Variants in FIGNL2 observed in about 807,000 individuals in gnomAD.
The protein encoded by FIGNL2 is fidgetin like 2, also known as fidgetin-like protein 2.
For synonymous variants in FIGNL2, 565 were observed against 484.0 expected, an observed-to-expected ratio of 1.17 and a Z score of -2.20; for missense variants, 1,060 against 950.2, an observed-to-expected ratio of 1.12 and a Z score of -1.52.
chr12:51,841,105 T>TG (rs904534440), intron 1 of FIGNL2, among the ~76,000 whole-genome samples: 6 of 152,100 alleles, frequency 3.9e-5, no homozygotes, highest in Non-Finnish European at 8.8e-5. Flanking sequence ...TTCCCAGCCC[T>TG]GGGGGGGCTG....
chr12:51,845,777 G>C (rs80033928), intron 1 of FIGNL2: 5,838 of 516,752 alleles, frequency 0.011, 63 homozygotes, highest in Non-Finnish European at 0.013. Context: ...TCGGAGCTTG[G>C]GGGGAGAGTC....
At chr12:51,829,382 C>T (rs972016353) in intron 1 of FIGNL2, among the ~76,000 whole-genome samples, 3 of 152,162 alleles carry the variant, frequency 2.0e-5, no homozygotes, top group African/African-American at 7.2e-5. Context: ...CCAGTTATTG[C>T]AACAGGAGAG....
chr12:51,821,995 G>A lies in FIGNL2; in HGVS notation c.419C>T (p.Pro140Leu), dbSNP rs763190946. The A allele has an allele frequency of 6.3e-7, 1 of 1,586,032 alleles. No individual in the cohort carries two copies. Among genetic ancestry groups the A allele is most frequent in the Non-Finnish European group, 8.6e-7 (1 of 1,167,318 alleles). ...GGSPVLAGNL[P>L]EPLYAGNACG... The stretch of plus-strand genomic sequence containing the variant: ...CGCATTGCCGGCGTAGAGGGGTTCA[G>A]GGAGGTTCCCGGCTAAAACTGGGGA... The change falls in exon 2 of 2, where the codon CCT becomes CTT. Residue 140 changes from proline to leucine, a missense_variant. Pro to Leu is a moderately conservative substitution (Grantham distance 98). Transcript: ENST00000618634.
intron 1 of FIGNL2, among the ~76,000 whole-genome samples, chr12:51,835,043 G>T (rs1939557030): frequency 6.6e-6 from 1 of 152,192 alleles, no homozygotes; most frequent in African/African-American, 2.4e-5. Flanking sequence ...GAGGCAGTAA[G>T]GCTCTCCAAG....
At chr12:51,824,602 G>C (rs1045329054) in intron 1 of FIGNL2, 1 of 152,244 alleles carries the variant, frequency 6.6e-6, no homozygotes, top group Non-Finnish European at 1.5e-5. Context: ...AGCTGAGTGC[G>C]AGGTCCTTGG....
intron 1 of FIGNL2, among the ~76,000 whole-genome samples, chr12:51,826,170 C>T (rs1003296015): frequency 2.8e-4 from 11 of 39,008 alleles, no homozygotes; most frequent in African/African-American, 4.3e-4. Flanking sequence ...GTGCTGGGCC[C>T]GCCCCCCCCA....
intron 1 of FIGNL2, among the ~76,000 whole-genome samples, chr12:51,828,894 T>G (rs1939398027): frequency 6.6e-6 from 1 of 152,154 alleles, no homozygotes; most frequent in Non-Finnish European, 1.5e-5. Flanking sequence ...ACAAATAAAT[T>G]TTTTACAGGG....
At chr12:51,844,290 C>A (rs1276165650) in intron 1 of FIGNL2, among the ~76,000 whole-genome samples, 1 of 152,182 alleles carries the variant, frequency 6.6e-6, no homozygotes, top group East Asian at 1.9e-4. Flanking sequence ...AGAGGCAGGC[C>A]ATGGCCACTG....
chr12:51,848,414 C>T lies in FIGNL2; in HGVS notation c.-12+126G>A, dbSNP rs921631666. 7.1e-6 allele frequency: 7 copies of T among 983,590 alleles called. No homozygotes were observed. The South Asian group carries it at 1.4e-4, about 20-fold the overall frequency. The allele number at this position is 983,590 out of a possible 1,614,324, so 60.9% of individuals were successfully genotyped here. On this transcript the variant is annotated intron_variant, in intron 1 of 1. Transcript: ENST00000618634. The stretch of plus-strand genomic sequence containing the variant: ...GCCCTCCGACCCCCGCCGAGCTGAA[C>T]CCCGCGACTAGCAGCCCCCGCCCTC...
In FIGNL2 at chr12:51,821,449, C is replaced by G. The variant is rs1267062993; in HGVS notation, c.965G>C (p.Gly322Ala). Residue 322 changes from glycine to alanine, a missense_variant, in exon 2 of 2, where the codon GGC (glycine) becomes GCC (alanine). By Grantham distance (60) the Gly-to-Ala change is moderately conservative. Transcript: ENST00000618634. ...GAGGGGGACGCCGCCACCGTACTTG[C>G]CCGACGCCTCCTCCGCGGCTCCTGG... ...KPPGAAEEAS[G>A]KYGGGVPLKV... 7 of 1,537,974 alleles carry G rather than the reference C, an allele frequency of 4.6e-6. No individual in the cohort carries two copies. Among genetic ancestry groups the G allele is most frequent in the Non-Finnish European group, 6.1e-6 (7 of 1,145,218 alleles).
chr12:51,822,516 G>A (rs1409584419), intron 1 of FIGNL2, 92 bp from the exon 2 acceptor site: 1 of 1,465,144 alleles, frequency 6.8e-7, no homozygotes, highest in Non-Finnish European at 9.3e-7. Context: ...CTAGACTGCG[G>A]CTTGGACAGG....
chr12:51,844,529 C>T (rs1213272643), intron 1 of FIGNL2: 1 of 226,886 alleles, frequency 4.4e-6, no homozygotes, highest in Non-Finnish European at 7.3e-6. Context: ...GACTAGGACT[C>T]AGGTCTCCCA....
intron 1 of FIGNL2, chr12:51,832,054 G>A (rs1441997850): frequency 6.6e-6 from 1 of 152,118 alleles, no homozygotes; most frequent in African/African-American, 2.4e-5. Context: ...GTTTTGCTCT[G>A]ATGCCCAGGC....
Position 51,826,617 on chromosome 12 carries a change from C to T in FIGNL2, c.-11-4193G>A, listed in dbSNP as rs370900534. Among the ~76,000 whole-genome samples, 51 of 124,354 alleles carry T rather than the reference C, an allele frequency of 4.1e-4. 1 individual carries two copies. In the East Asian group the frequency reaches 9.9e-3, roughly 24 times the overall value. 81.6% of individuals were successfully genotyped at this position (124,354 alleles called of 152,430 possible). ...TCGCGCCATTGCACTCCAGCCTGGG[C>T]GATAAGAGCGAAACTCCCATCTCAA... is the stretch of plus-strand genomic sequence containing the variant. On this transcript the variant is annotated intron_variant, in intron 1 of 1. Transcript: ENST00000618634.
In FIGNL2 at chr12:51,820,563, G is replaced by T; in HGVS notation, c.1851C>A (p.Pro617=). Residue 617 remains proline (P), a synonymous_variant, in exon 2 of 2, where the codon CCC becomes CCA. Transcript: ENST00000618634. ...AGAGLPGLQR[P]LSYKDLEAAL... ...CCGCCTCCAGGTCCTTGTAGGAGAG[G>T]GGGCGCTGCAGCCCCGGGAGGCCCG... 3 of 1,534,264 alleles carry T rather than the reference G, an allele frequency of 2.0e-6. No homozygotes were observed. Among genetic ancestry groups the T allele is most frequent in the Non-Finnish European group, 2.6e-6 (3 of 1,147,098 alleles).
chr12:51,834,104 GA>G (rs1939533926), intron 1 of FIGNL2, among the ~76,000 whole-genome samples: 4 of 131,662 alleles, frequency 3.0e-5, no homozygotes, highest in Non-Finnish European at 3.2e-5. Flanking sequence ...TGGGTGGATG[GA>G]TGGTTGGATG....
At chr12:51,830,648 C>T (rs1381602133) in intron 1 of FIGNL2, among the ~76,000 whole-genome samples, 1 of 151,666 alleles carries the variant, frequency 6.6e-6, no homozygotes, top group East Asian at 2.0e-4. Context: ...CCCACCACTA[C>T]ACCCAGCTAA....
Position 51,846,307 on chromosome 12 carries a change from G to C in FIGNL2, c.-12+2233C>G, listed in dbSNP as rs562852196. Among the ~76,000 whole-genome samples, 11 of 152,332 alleles carry C rather than the reference G, an allele frequency of 7.2e-5. No homozygotes were observed. In the South Asian group the frequency reaches 1.4e-3, roughly 20 times the overall value. On this transcript the variant is annotated intron_variant, in intron 1 of 1. Transcript: ENST00000618634. ...CTCGGGGCTGGGGAGGTGATGCGGA[G>C]GAGGTGCGCATCCGAGTTGGGCCCT...
At chr12:51,822,594 ACTT>A (rs1939248014) in intron 1 of FIGNL2, among the ~76,000 whole-genome samples, 170 bp from the exon 2 acceptor site, 3 of 151,938 alleles carry the variant, frequency 2.0e-5, no homozygotes, top group African/African-American at 7.3e-5. Flanking sequence ...CACCAAATAC[ACTT>A]CTTATGTCCC....
Sources: gnomAD v4.1 joint callset for allele counts (sites outside exome capture counted in the v4.1 genomes callset) on GRCh38, gnomAD v4.1.1 for gene constraint, MANE v1.5 for transcripts, NCBI Gene and HGNC (gene_info 2026-07-23, HGNC 2026-07-21) for gene names.